Variants in LYPLAL1 observed in about 807,000 individuals in gnomAD.
The protein encoded by LYPLAL1 is lysophospholipase like 1.
Under a neutral mutation model 19.7 loss-of-function variants are expected in LYPLAL1, and 23 were observed. The ratio of observed to expected loss-of-function variants is 1.17; its 90% CI spans 0.84 to 1.65. The LOEUF (loss-of-function observed/expected upper bound fraction) is 1.65. Ranked by LOEUF, LYPLAL1 falls within the 40% of genes most tolerant of loss-of-function variation. The pLI, the probability that LYPLAL1 is intolerant of heterozygous loss-of-function variation, is 0.00. For synonymous variants in LYPLAL1, 119 were observed against 96.3 expected (o/e 1.24, Z -1.38); for missense variants, 355 against 279.4 (o/e 1.27, Z -1.93).
At chr1:219,372,366 A>AT in the LYPLAL1 span, among the ~76,000 whole-genome samples, 11 of 152,184 alleles carry the variant, frequency 7.2e-5, no homozygotes, top group Admixed American at 2.6e-4. Context: ...ATCAGAGAAG[A>AT]CCTTAAAAAT....
chr1:219,211,900 A>G lies in LYPLAL1; in HGVS notation c.*172A>G. ...GCTAATCTTATTAATGAAAAACAAT[A>G]GACAAACATCTGTGCATAATTTTTC... is the stretch of plus-strand genomic sequence containing the variant. On this transcript the variant is annotated 3_prime_UTR_variant, in exon 5 of 5. Transcript: ENST00000366928. 2 of 452,266 alleles carry G rather than the reference A, an allele frequency of 4.4e-6. No homozygotes were observed. The highest frequency in any genetic ancestry group is 3.4e-5 in the East Asian group (1 of 29,678). 28.0% of individuals were successfully genotyped at this position (452,266 alleles called of 1,614,324 possible).
chr1:219,298,613 A>T, the LYPLAL1 span, among the ~76,000 whole-genome samples: 15 of 152,232 alleles, frequency 9.9e-5, no homozygotes, highest in Admixed American at 5.9e-4. Flanking sequence ...ATTAGGGAAC[A>T]TCATTTTGAG....
chr1:219,201,128 CAAAAT>C (rs1241687330), intron 3 of LYPLAL1, among the ~76,000 whole-genome samples: 2 of 152,092 alleles, frequency 1.3e-5, no homozygotes, highest in African/African-American at 4.8e-5. Flanking sequence ...AAATTTTTCT[CAAAAT>C]AAGTACACAG....
the LYPLAL1 span, among the ~76,000 whole-genome samples, chr1:219,236,755 TA>T: frequency 6.6e-6 from 1 of 152,162 alleles, no homozygotes; most frequent in African/African-American, 2.4e-5. Context: ...GAAATCACCT[TA>T]AAAAAATTTT....
At chr1:219,414,975 G>C in the LYPLAL1 span, among the ~76,000 whole-genome samples, 1 of 152,064 alleles carries the variant, frequency 6.6e-6, no homozygotes, top group African/African-American at 2.4e-5. Context: ...CATATGAATA[G>C]AAAAATAACC....
intron 2 of LYPLAL1, among the ~76,000 whole-genome samples, chr1:219,182,088 G>A (rs1656339708): frequency 1.3e-5 from 2 of 152,118 alleles, no homozygotes; most frequent in South Asian, 4.1e-4. Context: ...AAGAATTGTT[G>A]TTCATAAGGG....
the LYPLAL1 span, among the ~76,000 whole-genome samples, chr1:219,231,810 A>G: frequency 1.7e-4 from 26 of 152,196 alleles, no homozygotes; most frequent in African/African-American, 5.5e-4. Context: ...ATCAATATCT[A>G]TAGACAACTC....
chr1:219,250,911 C>A, the LYPLAL1 span, among the ~76,000 whole-genome samples: 32 of 152,176 alleles, frequency 2.1e-4, no homozygotes, highest in African/African-American at 7.7e-4. Flanking sequence ...AACGAATTTA[C>A]ACTCCCACCA....
the LYPLAL1 span, among the ~76,000 whole-genome samples, chr1:219,399,354 G>T: frequency 6.6e-6 from 1 of 152,158 alleles, no homozygotes; most frequent in African/African-American, 2.4e-5. Flanking sequence ...CAGTGTTGGT[G>T]CAAGGCCAGG....
chr1:219,373,821 A>G, the LYPLAL1 span, among the ~76,000 whole-genome samples: 3 of 150,850 alleles, frequency 2.0e-5, no homozygotes, highest in South Asian at 2.1e-4. Flanking sequence ...AGTTGTTTCA[A>G]AGAGATTTGC....
chr1:219,381,641 G>A, the LYPLAL1 span, among the ~76,000 whole-genome samples: 2 of 152,158 alleles, frequency 1.3e-5, no homozygotes, highest in African/African-American at 2.4e-5. Flanking sequence ...TGACAGGGAG[G>A]GTTGCATGCA....
the LYPLAL1 span, among the ~76,000 whole-genome samples, chr1:219,341,419 G>A: frequency 2.0e-5 from 3 of 152,084 alleles, no homozygotes; most frequent in African/African-American, 7.2e-5. Flanking sequence ...TTATATTAAT[G>A]TGGGCTGTTC....
the LYPLAL1 span, among the ~76,000 whole-genome samples, chr1:219,392,407 A>G: frequency 6.6e-6 from 1 of 152,206 alleles, no homozygotes; most frequent in African/African-American, 2.4e-5. Context: ...TTTAAGTCTC[A>G]GATTTCTGCT....
the LYPLAL1 span, among the ~76,000 whole-genome samples, chr1:219,351,209 A>G: frequency 6.6e-6 from 1 of 152,042 alleles, no homozygotes; most frequent in Non-Finnish European, 1.5e-5. Context: ...TAGACAATAC[A>G]TAGTAATTCT....
At chr1:219,399,002 G>A in the LYPLAL1 span, among the ~76,000 whole-genome samples, 37 of 152,342 alleles carry the variant, frequency 2.4e-4, no homozygotes, top group South Asian at 7.2e-3. Flanking sequence ...TCATAGTGCA[G>A]TGACAGTGTG....
the LYPLAL1 span, among the ~76,000 whole-genome samples, chr1:219,416,464 G>A: frequency 1.3e-5 from 2 of 152,200 alleles, no homozygotes; most frequent in African/African-American, 4.8e-5. Context: ...GTGAGGTGGT[G>A]GTGTTAGACA....
chr1:219,250,646 A>G, the LYPLAL1 span, among the ~76,000 whole-genome samples: 1 of 151,926 alleles, frequency 6.6e-6, no homozygotes, highest in South Asian at 2.1e-4. Flanking sequence ...CATTCTTTTT[A>G]TGGCTGCATA....
At chr1:219,335,511 C>T in the LYPLAL1 span, among the ~76,000 whole-genome samples, 5 of 151,012 alleles carry the variant, frequency 3.3e-5, no homozygotes, top group South Asian at 2.1e-4. Context: ...ACATAAAGTG[C>T]GATATGTAAT....
At chr1:219,234,068 A>C in the LYPLAL1 span, among the ~76,000 whole-genome samples, 10 of 152,130 alleles carry the variant, frequency 6.6e-5, no homozygotes, top group African/African-American at 2.4e-4. Context: ...AAGTATTGCT[A>C]TTTTGGGCCA....
Sources: allele counts gnomAD v4.1 joint callset (sites outside exome capture counted in the v4.1 genomes callset), GRCh38; gene constraint gnomAD v4.1.1; transcripts MANE v1.5; gene names NCBI Gene and HGNC (gene_info 2026-07-23, HGNC 2026-07-21).